CSMD1: variants seen among roughly 807,000 people sequenced by gnomAD.
CSMD1 encodes the protein CUB and Sushi multiple domains 1, also known as CUB and sushi domain-containing protein 1.
In CSMD1, 213 loss-of-function variants were observed where a neutral mutation model predicts 417.5. The ratio of observed to expected loss-of-function variants is 0.51; its 90% confidence interval spans 0.46 to 0.57. The LOEUF (loss-of-function observed/expected upper bound fraction) is 0.57. CSMD1 is among the 20% of genes least tolerant of loss of function. CSMD1 has a pLI of 0.00. For missense variants in CSMD1, 6,923 were observed against 4,529.7 expected, an observed-to-expected ratio of 1.53 and a Z score of -15.17; for synonymous variants, 2,862 against 1,736.8, an observed-to-expected ratio of 1.65 and a Z score of -16.11.
chr8:4,587,655 G>C (rs959047921), intron 2 of CSMD1, among the ~76,000 whole-genome samples: 2 of 152,068 alleles, frequency 1.3e-5, no homozygotes, highest in East Asian at 1.9e-4. Context: ...TTACTGAAGA[G>C]AACTATGTCT....
At chr8:4,312,703 C>T (rs1398187459) in intron 3 of CSMD1, among the ~76,000 whole-genome samples, 1 of 151,862 alleles carries the variant, frequency 6.6e-6, no homozygotes, top group African/African-American at 2.4e-5. Context: ...CTGACGAAAC[C>T]CCATTTCTAC....
Position 3,218,244 on chromosome 8 carries a change from T to C in CSMD1, c.4672+1011A>G, listed in dbSNP as rs145026034. On this transcript the variant is annotated intron_variant, in intron 29 of 69. Coordinates refer to ENST00000635120, the MANE Select transcript of CSMD1 (RefSeq NM_033225.6). ...TGAGGCAGGGAAGGGTACAGATATG[T>C]TGACATGGAAAATGTTGAGATAAAA... is the stretch of plus-strand genomic sequence containing the variant. Among the ~76,000 whole-genome samples, 694 of 152,222 alleles carry C rather than the reference T, an allele frequency of 4.6e-3. 3 individuals are homozygous for C. Among genetic ancestry groups the C allele is most frequent in the Admixed American group, 0.01 (159 of 15,274 alleles).
chr8:3,645,910 T>C (rs114652549), intron 7 of CSMD1, among the ~76,000 whole-genome samples: 88 of 152,306 alleles, frequency 5.8e-4, no homozygotes, highest in Middle Eastern at 6.8e-3. Context: ...TTTCTAAATG[T>C]TTCCCCTTTA....
At chr8:3,439,328 AT>A (rs2117054434) in intron 12 of CSMD1, among the ~76,000 whole-genome samples, 1 of 66,120 alleles carries the variant, frequency 1.5e-5, no homozygotes, top group Admixed American at 1.9e-4. Flanking sequence ...TTTAATATGT[AT>A]TTTTAATTTT....
At chr8:4,104,115 G>A (rs1200374661) in intron 3 of CSMD1, among the ~76,000 whole-genome samples, 2 of 152,340 alleles carry the variant, frequency 1.3e-5, no homozygotes, top group Admixed American at 1.3e-4. Context: ...CTGTCCCACA[G>A]AAGCAGAGTG....
Position 3,603,134 on chromosome 8 carries a change from A to G in CSMD1, c.1097+13576T>C, listed in dbSNP as rs1227471702. The stretch of plus-strand genomic sequence containing the variant: ...GACATAAAGGCTTCAAGGAGTGTCA[A>G]TGGGATATTATTGTTTGTGGTATTT... On this transcript the variant is annotated intron_variant, in intron 8 of 69. Coordinates refer to ENST00000635120, the MANE Select transcript of CSMD1 (RefSeq NM_033225.6). Among the ~76,000 whole-genome samples, 3 of 152,284 alleles carry G rather than the reference A, an allele frequency of 2.0e-5. No homozygotes were observed. The East Asian group carries it at 5.8e-4, about 29-fold the overall frequency.
intron 3 of CSMD1, among the ~76,000 whole-genome samples, chr8:4,238,580 C>T (rs1043085584): frequency 6.6e-6 from 1 of 152,168 alleles, no homozygotes; most frequent in Non-Finnish European, 1.5e-5. Context: ...GTCCATATTA[C>T]TTAACTCTAA....
At chr8:4,814,398 G>T (rs972339829) in intron 1 of CSMD1, among the ~76,000 whole-genome samples, 4 of 152,076 alleles carry the variant, frequency 2.6e-5, no homozygotes, top group African/African-American at 7.2e-5. Context: ...AGCATGCACC[G>T]CCAAGCCTGG....
At chr8:3,688,860 TAG>T (rs1563274736) in intron 7 of CSMD1, among the ~76,000 whole-genome samples, 2 of 152,162 alleles carry the variant, frequency 1.3e-5, no homozygotes, top group Admixed American at 6.5e-5. Context: ...TTAAAAAGAA[TAG>T]AGAGATCAGA....
intron 10 of CSMD1, among the ~76,000 whole-genome samples, 156 bp from the exon 11 acceptor site, chr8:3,493,882 A>G (rs1324313818): frequency 6.6e-6 from 1 of 152,188 alleles, no homozygotes; most frequent in African/African-American, 2.4e-5. Context: ...ATGGATAATT[A>G]TATATATTTG....
chr8:3,356,971 C>T (rs553499665), intron 21 of CSMD1, among the ~76,000 whole-genome samples: 41 of 151,938 alleles, frequency 2.7e-4, no homozygotes, highest in African/African-American at 8.4e-4. Flanking sequence ...CTGGGAGCTG[C>T]GGCCCCTGGG....
At chr8:4,772,196 G>A (rs905403407) in intron 1 of CSMD1, among the ~76,000 whole-genome samples, 26 of 152,066 alleles carry the variant, frequency 1.7e-4, no homozygotes, top group African/African-American at 5.6e-4. Flanking sequence ...TGATGTCCAC[G>A]CATCATTCTC....
intron 39 of CSMD1, among the ~76,000 whole-genome samples, chr8:3,156,838 G>C (rs1159734184): frequency 1.3e-5 from 2 of 151,828 alleles, no homozygotes; most frequent in African/African-American, 4.8e-5. Context: ...ATTTAGGAGG[G>C]GACTGTGCCA....
At chr8:3,969,673 G>C (rs1812943431) in intron 5 of CSMD1, among the ~76,000 whole-genome samples, 1 of 152,176 alleles carries the variant, frequency 6.6e-6, no homozygotes, top group Non-Finnish European at 1.5e-5. Flanking sequence ...TCCTTGCTTT[G>C]ATGTCAGTAG....
At chr8:4,590,036 T>A (rs1287537062) in intron 2 of CSMD1, among the ~76,000 whole-genome samples, 1 of 152,238 alleles carries the variant, frequency 6.6e-6, no homozygotes, top group South Asian at 2.1e-4. Flanking sequence ...CTATGCTTTT[T>A]AACAATATTA....
intron 36 of CSMD1, among the ~76,000 whole-genome samples, chr8:3,184,651 G>A (rs1187382810): frequency 2.7e-4 from 41 of 152,194 alleles, no homozygotes; most frequent in Admixed American, 2.6e-3. Flanking sequence ...CATACGACGT[G>A]TCTTTTAATA....
chr8:3,718,683 C>A (rs1436006025), intron 6 of CSMD1, among the ~76,000 whole-genome samples: 2 of 152,112 alleles, frequency 1.3e-5, no homozygotes, highest in Non-Finnish European at 2.9e-5. Flanking sequence ...ACCTTGATGA[C>A]TGAACTCTTT....
At chr8:4,768,261 C>T (rs1378921154) in intron 1 of CSMD1, among the ~76,000 whole-genome samples, 2 of 151,938 alleles carry the variant, frequency 1.3e-5, no homozygotes, top group Admixed American at 6.6e-5. Flanking sequence ...TCATGTCAGC[C>T]CCTAACCTCC....
At chr8:4,585,015 T>C (rs1291942693) in intron 2 of CSMD1, among the ~76,000 whole-genome samples, 4 of 151,440 alleles carry the variant, frequency 2.6e-5, no homozygotes, top group Non-Finnish European at 5.9e-5. Context: ...AAATTATTTG[T>C]ACAATTTTTC....
Sources: gnomAD v4.1 joint callset for allele counts (sites outside exome capture counted in the v4.1 genomes callset) on GRCh38, gnomAD v4.1.1 for gene constraint, MANE v1.5 for transcripts, NCBI Gene and HGNC (gene_info 2026-07-23, HGNC 2026-07-21) for gene names.